The following DYNLT5 variants were observed in gnomAD, a reference collection of about 807,000 sequenced individuals.
DYNLT5 encodes dynein light chain Tctex-type 5.
Under a neutral mutation model 19.3 loss-of-function variants are expected in DYNLT5, and 25 were observed. The ratio of observed to expected loss-of-function variants is 1.30; its 90% CI spans 0.95 to 1.81. The LOEUF (loss-of-function observed/expected upper bound fraction) is 1.81. Among genes scored for constraint, DYNLT5 ranks in the 40% most tolerant of loss-of-function variants. DYNLT5 has a pLI of 0.00. For synonymous variants in DYNLT5, 82 were observed against 68.9 expected, an observed-to-expected ratio of 1.19 and a Z score of -0.94; for missense variants, 232 against 217.9, an observed-to-expected ratio of 1.06 and a Z score of -0.41.
chr1:66,757,277 GTAACT>G (rs1557869912), intron 2 of DYNLT5, among the ~76,000 whole-genome samples: 1 of 152,096 alleles, frequency 6.6e-6, no homozygotes, highest in Non-Finnish European at 1.5e-5. Context: ...TTCCACAGTT[GTAACT>G]AATGCTTAAC....
At chr1:66,768,117 G>A (rs1645178669) in intron 2 of DYNLT5, among the ~76,000 whole-genome samples, 1 of 152,168 alleles carries the variant, frequency 6.6e-6, no homozygotes, top group African/African-American at 2.4e-5. Context: ...AAAAGGCATG[G>A]ATGATACATG....
chr1:66,775,719 G>A (rs1645230505), intron 3 of DYNLT5: 1 of 152,262 alleles, frequency 6.6e-6, no homozygotes. Flanking sequence ...TGAAACATGA[G>A]TGGCTGTTTC....
At chr1:66,753,843 G>C (rs1347927918) in intron 1 of DYNLT5, among the ~76,000 whole-genome samples, 1 of 152,078 alleles carries the variant, frequency 6.6e-6, no homozygotes, top group Non-Finnish European at 1.5e-5. Flanking sequence ...CTAGCTACTA[G>C]GGAGGCTGAG....
intron 2 of DYNLT5, among the ~76,000 whole-genome samples, chr1:66,762,158 T>A (rs1440836162): frequency 1.3e-5 from 2 of 152,218 alleles, no homozygotes; most frequent in East Asian, 3.8e-4. Context: ...TTTTAACCAT[T>A]TTAAATTTTA....
intron 2 of DYNLT5, among the ~76,000 whole-genome samples, chr1:66,764,442 G>C (rs1273541771): frequency 2.0e-5 from 3 of 152,192 alleles, no homozygotes; most frequent in Non-Finnish European, 4.4e-5. Flanking sequence ...GAAATAGGAA[G>C]ACCCAAAGAG....
At position 66,775,309 on chromosome 1, in the gene DYNLT5, C is replaced by G. The variant is rs1402997528; in HGVS notation, c.212-970C>G. On this transcript the variant is annotated intron_variant, in intron 3 of 4. Coordinates refer to ENST00000282670, the MANE Select transcript of DYNLT5 (RefSeq NM_152665.3). The stretch of plus-strand genomic sequence containing the variant: ...GCCAAATGGAGATAACAGTGAGATT[C>G]ACCTCAGAGATCTATTGGAAGACTA... 2.0e-5 allele frequency: 3 copies of G among 152,344 alleles called. No individual in the cohort carries two copies. The East Asian group carries it at 5.8e-4, about 29-fold the overall frequency. 9.4% of individuals were successfully genotyped at this position (152,344 alleles called of 1,614,324 possible). A position where few individuals can be genotyped will look rare whatever the true frequency, so the allele number is the denominator to read the frequency against.
At chr1:66,752,925 A>T (rs893767968) in intron 1 of DYNLT5, among the ~76,000 whole-genome samples, 1 of 152,012 alleles carries the variant, frequency 6.6e-6, no homozygotes, top group Non-Finnish European at 1.5e-5. Context: ...TTTCTTGGGG[A>T]GGGGGCGGCC....
intron 1 of DYNLT5, among the ~76,000 whole-genome samples, chr1:66,753,057 G>C (rs564833451): frequency 2.0e-5 from 3 of 152,076 alleles, no homozygotes; most frequent in Non-Finnish European, 4.4e-5. Flanking sequence ...ACTCACCTTC[G>C]TACACACGAA....
intron 3 of DYNLT5, 104 bp from the exon 4 acceptor site, chr1:66,776,175 A>C: frequency 1.4e-6 from 2 of 1,429,498 alleles, no homozygotes; most frequent in South Asian, 3.2e-5. Context: ...TCCACCCAGA[A>C]GATTAAATCC....
intron 3 of DYNLT5, among the ~76,000 whole-genome samples, chr1:66,772,965 G>A (rs78459388): frequency 6.6e-6 from 1 of 152,076 alleles, no homozygotes; most frequent in Non-Finnish European, 1.5e-5. Context: ...CTTGTAAATA[G>A]GGATAATAGT....
At chr1:66,762,612 T>C (rs1432056980) in intron 2 of DYNLT5, among the ~76,000 whole-genome samples, 1 of 152,204 alleles carries the variant, frequency 6.6e-6, no homozygotes, top group Non-Finnish European at 1.5e-5. Context: ...GAATGGTGAA[T>C]CCTTTTCAAC....
At chr1:66,754,822 G>A (rs901677190) in intron 2 of DYNLT5, 45 bp downstream of exon 2, 2 of 1,565,760 alleles carry the variant, frequency 1.3e-6, no homozygotes, top group Non-Finnish European at 1.7e-6. Flanking sequence ...TGAATAAATA[G>A]GTTCGTAATG....
intron 2 of DYNLT5, among the ~76,000 whole-genome samples, chr1:66,756,372 C>T (rs558596763): frequency 1.3e-5 from 2 of 152,116 alleles, no homozygotes; most frequent in Non-Finnish European, 2.9e-5. Context: ...CATTGGCTTC[C>T]TCACTGTCTG....
chr1:66,758,591 T>C (rs2094640566), intron 2 of DYNLT5, among the ~76,000 whole-genome samples: 1 of 152,190 alleles, frequency 6.6e-6, no homozygotes, highest in Non-Finnish European at 1.5e-5. Flanking sequence ...ACACTATATG[T>C]ATTTCTTCAT....
chr1:66,776,107 C>T, intron 3 of DYNLT5, 172 bp from the exon 4 acceptor site: 2 of 703,248 alleles, frequency 2.8e-6, no homozygotes, highest in Non-Finnish European at 4.3e-6. Context: ...TCTTCTTGTT[C>T]TCTCTCAGAG....
intron 3 of DYNLT5, among the ~76,000 whole-genome samples, chr1:66,774,827 T>A (rs1363081733): frequency 6.6e-6 from 1 of 152,210 alleles, no homozygotes; most frequent in East Asian, 1.9e-4. Flanking sequence ...CTATCCCTTG[T>A]GATTTTCTAC....
intron 1 of DYNLT5, among the ~76,000 whole-genome samples, chr1:66,752,919 T>C (rs780334751): frequency 6.6e-6 from 1 of 152,134 alleles, no homozygotes; most frequent in African/African-American, 2.4e-5. Flanking sequence ...CTGGCCTTTC[T>C]TGGGGAGGGG....
rs2150870328 is a variant in DYNLT5, at chr1:66,777,485, G to C, written c.*31G>C. 1 of 1,597,240 alleles carries C rather than the reference G, an allele frequency of 6.3e-7. No homozygotes were observed. Among genetic ancestry groups the C allele is most frequent in the Non-Finnish European group, 8.6e-7 (1 of 1,169,416 alleles). Reference sequence around the variant, plus strand: ...AATAAGAAATCTAGCTCTTACTTTTGAAAATTCTGAGGCAGGCTGTATGTC... The same window carrying C: ...AATAAGAAATCTAGCTCTTACTTTTCAAAATTCTGAGGCAGGCTGTATGTC... On this transcript the variant is annotated 3_prime_UTR_variant, in exon 5 of 5. Transcript: ENST00000282670.
intron 2 of DYNLT5, among the ~76,000 whole-genome samples, chr1:66,759,117 A>G (rs2094641380): frequency 6.6e-6 from 1 of 152,256 alleles, no homozygotes; most frequent in African/African-American, 2.4e-5. Flanking sequence ...AAGCCATTTC[A>G]CATACAATAT....
Sources: allele counts gnomAD v4.1 joint callset (sites outside exome capture counted in the v4.1 genomes callset), GRCh38; gene constraint gnomAD v4.1.1; transcripts MANE v1.5; gene names NCBI Gene and HGNC (gene_info 2026-07-23, HGNC 2026-07-21).